Variants in C4orf50 observed in about 807,000 individuals in gnomAD.
C4orf50 encodes chromosome 4 open reading frame 50.
In C4orf50, 80 loss-of-function variants were observed where a neutral mutation model predicts 77.2. That is an observed-to-expected ratio of 1.04 (90% CI 0.87 to 1.25). The LOEUF is 1.25. Among genes scored for constraint, C4orf50 ranks in the 50% most tolerant of loss-of-function variants. The pLI is 0.00. For synonymous variants in C4orf50, 532 were observed against 465.3 expected (o/e 1.14, Z -1.84); for missense variants, 1,257 against 1,152.9 (o/e 1.09, Z -1.31).
chr4:5,995,537 T>C (rs73196034), intron 25 of C4orf50, among the ~76,000 whole-genome samples: 9,790 of 138,170 alleles, frequency 0.071, 342 homozygotes, highest in African/African-American at 0.085. Context: ...CACCCACCAC[T>C]CACGAGGGGC....
At chr4:5,996,783 C>T (rs992673326) in intron 25 of C4orf50, among the ~76,000 whole-genome samples, 3 of 152,192 alleles carry the variant, frequency 2.0e-5, no homozygotes, top group Admixed American at 2.0e-4. Context: ...ACCTATTAAC[C>T]CTGAGGGCCT....
chr4:5,992,596 C>T lies in C4orf50; in HGVS notation c.1221+207G>A, dbSNP rs1381786345. Among the ~76,000 whole-genome samples the T allele has an allele frequency of 6.6e-6, 1 of 152,050 alleles. No individual in the cohort carries two copies. The highest frequency in any genetic ancestry group is 6.5e-5 in the Admixed American group (1 of 15,268). The stretch of plus-strand genomic sequence containing the variant: ...AGCCCAGGCCTGGCACCCAGTTAAC[C>T]CCCTTCCTCCCCACCCCCCATCCAG... On this transcript the variant is annotated intron_variant, in intron 27 of 33. Coordinates refer to ENST00000531445, the Ensembl canonical transcript of C4orf50. This position sits in a 1 kb window ranked among gnomAD's most constrained non-coding sequence, Gnocchi z 5.0.
intron 7 of C4orf50, among the ~76,000 whole-genome samples, chr4:5,922,765 G>A (rs895155489): frequency 3.9e-5 from 6 of 152,184 alleles, no homozygotes; most frequent in Non-Finnish European, 7.4e-5. Flanking sequence ...ATGGATGCCA[G>A]ACTCTAGGGT....
intron 32 of C4orf50, among the ~76,000 whole-genome samples, chr4:5,965,535 G>A (rs886091892): frequency 3.9e-5 from 6 of 152,204 alleles, no homozygotes; most frequent in African/African-American, 1.4e-4. Context: ...TAACTCAATC[G>A]GTCTAGCGCG....
downstream of C4orf50, among the ~76,000 whole-genome samples, chr4:5,956,131 G>A (rs916722342): frequency 6.6e-6 from 1 of 152,196 alleles, no homozygotes; most frequent in African/African-American, 2.4e-5. Context: ...ATCAGAAAGG[G>A]TCACACAGCA....
At chr4:5,994,261 T>C (rs1721453204) in intron 26 of C4orf50, 86 bp downstream of exon 4, 1 of 397,956 alleles carries the variant, frequency 2.5e-6, no homozygotes, top group Non-Finnish European at 4.4e-6. Context: ...CCCTGCGTCA[T>C]CGGGACATGA....
chr4:5,980,265 A>G, exon 29 of C4orf50: 1 of 1,613,064 alleles, frequency 6.2e-7, no homozygotes, highest in Non-Finnish European at 8.5e-7. Context: ...CTGCAGGGTC[A>G]GCACCCGGTG....
exon 34 of C4orf50, chr4:5,959,165 C>G: frequency 1.7e-6 from 1 of 590,070 alleles, no homozygotes; most frequent in Non-Finnish European, 3.0e-6. Context: ...CTTGACATTG[C>G]CAAAGCCAAA....
At chr4:5,947,072 C>G (rs370138629) in intron 7 of C4orf50, among the ~76,000 whole-genome samples, 1 of 152,156 alleles carries the variant, frequency 6.6e-6, no homozygotes, top group African/African-American at 2.4e-5. Flanking sequence ...CACCGACTCA[C>G]TCATGGAACC....
chr4:6,016,513 C>T (rs1366410292), intron 23 of C4orf50, among the ~76,000 whole-genome samples: 1 of 152,154 alleles, frequency 6.6e-6, no homozygotes, highest in Non-Finnish European at 1.5e-5. Flanking sequence ...TATGTCACTT[C>T]ACTCCAGCCT....
At chr4:5,983,510 C>G (rs1445698653) in intron 28 of C4orf50, among the ~76,000 whole-genome samples, 1 of 152,190 alleles carries the variant, frequency 6.6e-6, no homozygotes, top group Non-Finnish European at 1.5e-5. Context: ...CCTTCGAAGT[C>G]TCAGCTCAAC....
chr4:5,923,577 G>A (rs1717381894), intron 7 of C4orf50, among the ~76,000 whole-genome samples: 1 of 152,106 alleles, frequency 6.6e-6, no homozygotes, highest in East Asian at 1.9e-4. Context: ...CTGGGCGAGG[G>A]ATCGGGGGTA....
intron 7 of C4orf50, among the ~76,000 whole-genome samples, chr4:5,931,501 G>A (rs765313070): frequency 2.2e-4 from 33 of 152,270 alleles, no homozygotes; most frequent in South Asian, 4.1e-4. Context: ...AAAACACAGA[G>A]CAATTTTCCC....
intron 7 of C4orf50, among the ~76,000 whole-genome samples, chr4:5,943,161 G>A (rs182138087): frequency 4.6e-5 from 7 of 152,144 alleles, no homozygotes; most frequent in African/African-American, 7.2e-5. Context: ...ATTTGGCCTC[G>A]TTCCTCACAG....
intron 33 of C4orf50, among the ~76,000 whole-genome samples, chr4:5,963,000 C>CT (rs370272649): frequency 0.019 from 2,720 of 145,388 alleles, 78 homozygotes; most frequent in African/African-American, 0.053. Context: ...TTTTTCTTTT[C>CT]TTTTTTTTTT....
At chr4:5,950,617 A>T (rs1365555096) in intron 7 of C4orf50, among the ~76,000 whole-genome samples, 1 of 152,118 alleles carries the variant, frequency 6.6e-6, no homozygotes, top group African/African-American at 2.4e-5. Flanking sequence ...CCAGTTTTCC[A>T]CTCAAAATGG....
At chr4:5,929,736 T>C (rs1214356311) in intron 7 of C4orf50, among the ~76,000 whole-genome samples, 1 of 152,240 alleles carries the variant, frequency 6.6e-6, no homozygotes, top group East Asian at 1.9e-4. Context: ...AAGGCACTTG[T>C]GAAATTCCCC....
chr4:5,988,393 G>C, exon 28 of C4orf50: 2 of 1,613,826 alleles, frequency 1.2e-6, no homozygotes, highest in Non-Finnish European at 1.7e-6. Context: ...CTGAGCCACA[G>C]AACACCTGGG....
chr4:5,924,982 T>C (rs1036031297), intron 7 of C4orf50, among the ~76,000 whole-genome samples: 3 of 151,666 alleles, frequency 2.0e-5, no homozygotes, highest in African/African-American at 7.3e-5. Flanking sequence ...AGTCTGGGAA[T>C]TCCCTGGCCA....
Sources: allele counts gnomAD v4.1 joint callset (sites outside exome capture counted in the v4.1 genomes callset), GRCh38; gene constraint gnomAD v4.1.1; non-coding constraint Gnocchi (gnomAD v3.1); transcripts MANE v1.5; gene names NCBI Gene and HGNC (gene_info 2026-07-23, HGNC 2026-07-21).